TJP1: variants seen among roughly 807,000 people sequenced by gnomAD.
The protein encoded by TJP1 is tight junction protein 1.
In TJP1, 43 loss-of-function variants were observed where a neutral mutation model predicts 194.2. The observed-to-expected ratio is 0.22, with a 90% CI of 0.17 to 0.29. The LOEUF is 0.29. TJP1 is among the 10% of genes least tolerant of loss of function. The pLI is 1.00. For missense variants in TJP1, 1,971 were observed against 2,185.7 expected (o/e 0.90, Z 1.96); for synonymous variants, 801 against 779.0 (o/e 1.03, Z -0.47).
intron 2 of TJP1, among the ~76,000 whole-genome samples, chr15:29,864,995 A>C (rs1178625317): frequency 6.6e-6 from 1 of 152,182 alleles, no homozygotes; most frequent in Non-Finnish European, 1.5e-5. Context: ...TGGGAGTGAC[A>C]CACTAAGAGT....
chr15:29,882,460 A>C (rs1249840528), intron 2 of TJP1, among the ~76,000 whole-genome samples: 1 of 152,180 alleles, frequency 6.6e-6, no homozygotes, highest in East Asian at 1.9e-4. Context: ...TGTGACTTTC[A>C]TTCTAAATGG....
At chr15:29,905,237 C>T (rs1478562875) in intron 2 of TJP1, among the ~76,000 whole-genome samples, 3 of 152,248 alleles carry the variant, frequency 2.0e-5, no homozygotes, top group Non-Finnish European at 4.4e-5. Flanking sequence ...GCAATGCTTG[C>T]CACAATTGCA....
At chr15:29,812,389 T>C (rs2049585313) in intron 1 of TJP1, among the ~76,000 whole-genome samples, 2 of 152,142 alleles carry the variant, frequency 1.3e-5, no homozygotes, top group African/African-American at 4.8e-5. Context: ...TAAGTCAGGG[T>C]AACTTACATG....
At chr15:29,902,399 C>G (rs1360311549) in intron 2 of TJP1, among the ~76,000 whole-genome samples, 1 of 151,784 alleles carries the variant, frequency 6.6e-6, no homozygotes, top group African/African-American at 2.4e-5. Context: ...AAAATACACT[C>G]AACTATATGA....
intron 2 of TJP1, among the ~76,000 whole-genome samples, chr15:29,800,001 A>T (rs2048679174): frequency 6.6e-6 from 1 of 152,210 alleles, no homozygotes; most frequent in African/African-American, 2.4e-5. Context: ...CAAATTGGTA[A>T]AGCATGAACT....
rs1566885638 is a variant in TJP1 at position 29,718,605 on chromosome 15, A to T, written c.3537T>A (p.Pro1179=). The part of the protein sequence containing the change: ...GRLRPEAQPH[P]SAGPKPAESK... ...ACTCTGCAGGCTTGGGCCCTGCTGA[A>T]GGGTGGGGCTGGGCTTCCGGTCTGA... Residue 1179 remains proline, a synonymous_variant, in exon 21 of 28, where the codon CCT becomes CCA. Coordinates refer to ENST00000614355, the MANE Select transcript of TJP1 (RefSeq NM_001330239.4). The T allele has an allele frequency of 1.2e-6, 2 of 1,614,072 alleles. No individual in the cohort carries two copies. Among genetic ancestry groups the T allele is most frequent in the Non-Finnish European group, 1.7e-6 (2 of 1,180,038 alleles).
At chr15:29,723,375 G>A (rs1322394089) in intron 18 of TJP1, among the ~76,000 whole-genome samples, 2 of 152,126 alleles carry the variant, frequency 1.3e-5, no homozygotes, top group African/African-American at 2.4e-5. Flanking sequence ...CTGTTTAAAA[G>A]TGTGTAGTAC....
chr15:29,811,735 G>GA (rs142422424), intron 1 of TJP1, among the ~76,000 whole-genome samples: 16,047 of 152,088 alleles, frequency 0.11, 942 homozygotes, highest in South Asian at 0.22. Context: ...TTGCTGGGCT[G>GA]AAACTACTAA....
At chr15:29,953,694 A>T (rs1318011912) in intron 2 of TJP1, among the ~76,000 whole-genome samples, 1 of 152,210 alleles carries the variant, frequency 6.6e-6, no homozygotes, top group Non-Finnish European at 1.5e-5. Flanking sequence ...GCAGAGTAAG[A>T]TACAGGAAAT....
At chr15:29,949,266 C>G (rs374439924) in intron 2 of TJP1, among the ~76,000 whole-genome samples, 2 of 91,254 alleles carry the variant, frequency 2.2e-5, no homozygotes. Flanking sequence ...TCCACCACCA[C>G]CACCTCCATC....
rs150122068 is a variant in TJP1 at position 29,882,166 on chromosome 15, G to A, written c.306+74066C>T. 3.3e-5 allele frequency among the ~76,000 whole-genome samples: 5 copies of A among 152,098 alleles called. No homozygotes were observed. The East Asian group carries it at 9.7e-4, about 29-fold the overall frequency. On this transcript the variant is annotated intron_variant, in intron 2 of 28. Transcript: ENST00000356107. The stretch of plus-strand genomic sequence containing the variant: ...CCCCAGCCAACCTTAAATTCCCCAA[G>A]TGCACCAACTAAAAAGACCAAGTGA...
intron 2 of TJP1, among the ~76,000 whole-genome samples, chr15:29,884,890 G>C (rs1197382494): frequency 6.6e-6 from 1 of 152,176 alleles, no homozygotes; most frequent in African/African-American, 2.4e-5. Context: ...ACAGAGGAGG[G>C]GCTGTTCTGG....
chr15:29,757,967 C>G (rs1469936925), intron 8 of TJP1, among the ~76,000 whole-genome samples: 1 of 152,200 alleles, frequency 6.6e-6, no homozygotes, highest in Non-Finnish European at 1.5e-5. Context: ...AGGAAATGAG[C>G]AGTGAAGGAA....
intron 2 of TJP1, among the ~76,000 whole-genome samples, chr15:29,782,033 C>G (rs2047398632): frequency 1.3e-5 from 2 of 152,100 alleles, no homozygotes; most frequent in Non-Finnish European, 2.9e-5. Context: ...GTTAAACTAC[C>G]CTGTTTGCAG....
intron 2 of TJP1, among the ~76,000 whole-genome samples, chr15:29,779,386 T>C (rs988389335): frequency 1.4e-4 from 22 of 152,186 alleles, no homozygotes; most frequent in African/African-American, 5.3e-4. Context: ...CCCCCACACC[T>C]TGGAGAACCT....
chr15:29,907,296 C>G (rs903166828), intron 2 of TJP1, among the ~76,000 whole-genome samples: 4 of 151,956 alleles, frequency 2.6e-5, no homozygotes, highest in African/African-American at 9.7e-5. Flanking sequence ...GTAGCCCCAG[C>G]TACTCGGGAA....
At chr15:29,773,750 G>A (rs2151650143) in intron 2 of TJP1, among the ~76,000 whole-genome samples, 1 of 152,198 alleles carries the variant, frequency 6.6e-6, no homozygotes, top group Admixed American at 6.5e-5. Flanking sequence ...CACACCCTTT[G>A]TCATTTTACA....
At chr15:29,948,490 A>G (rs1596307079) in intron 2 of TJP1, among the ~76,000 whole-genome samples, 1 of 152,232 alleles carries the variant, frequency 6.6e-6, no homozygotes, top group Admixed American at 6.5e-5. Flanking sequence ...CTGGTCCAGC[A>G]TAAGGTCCAG....
At chr15:29,780,772 C>A (rs1248762059) in intron 2 of TJP1, among the ~76,000 whole-genome samples, 4 of 152,054 alleles carry the variant, frequency 2.6e-5, no homozygotes, top group African/African-American at 7.2e-5. Context: ...GAGACCAAAT[C>A]TGAAATTTTA....
Sources: gnomAD v4.1 joint callset for allele counts (sites outside exome capture counted in the v4.1 genomes callset) on GRCh38, gnomAD v4.1.1 for gene constraint, MANE v1.5 for transcripts, NCBI Gene and HGNC (gene_info 2026-07-23, HGNC 2026-07-21) for gene names.